Variants in COG6 observed in about 807,000 individuals in gnomAD.
COG6 encodes component of oligomeric golgi complex 6.
Under a neutral mutation model 88.8 loss-of-function variants are expected in COG6, and 74 were observed. The observed-to-expected ratio is 0.83, with a 90% confidence interval of 0.69 to 1.01. The LOEUF (loss-of-function observed/expected upper bound fraction) is 1.01, where lower values mean the gene tolerates loss of function less well. Ranked by LOEUF, COG6 falls within the 50% of genes least tolerant of loss-of-function variation. The pLI is 0.00. For missense variants in COG6, 800 were observed against 797.9 expected, an observed-to-expected ratio of 1.00 and a Z score of -0.03; for synonymous variants, 286 against 278.7, an observed-to-expected ratio of 1.03 and a Z score of -0.26.
chr13:39,691,084 T>C (rs112015360), intron 11 of COG6, among the ~76,000 whole-genome samples: 40 of 152,002 alleles, frequency 2.6e-4, no homozygotes, highest in African/African-American at 7.7e-4. Flanking sequence ...TATGTAATTA[T>C]GTTTCTTTTT....
intron 4 of COG6, among the ~76,000 whole-genome samples, chr13:39,667,707 A>G (rs1163552970): frequency 6.6e-6 from 1 of 152,212 alleles, no homozygotes; most frequent in African/African-American, 2.4e-5. Flanking sequence ...TAAGGTATCA[A>G]CAGAATCAAG....
downstream of COG6, among the ~76,000 whole-genome samples, chr13:39,752,787 TA>T (rs1477234179): frequency 6.6e-6 from 1 of 152,184 alleles, no homozygotes; most frequent in Non-Finnish European, 1.5e-5. Flanking sequence ...TCTTGAGAGC[TA>T]AGGCAAAATA....
intron 18 of COG6, among the ~76,000 whole-genome samples, chr13:39,742,767 A>G (rs184925740): frequency 1.3e-5 from 2 of 152,324 alleles, no homozygotes; most frequent in Admixed American, 6.5e-5. Flanking sequence ...ATAGACATCT[A>G]CAGAACTCTC....
intron 13 of COG6, among the ~76,000 whole-genome samples, chr13:39,701,702 A>C (rs972277109): frequency 6.6e-6 from 1 of 151,960 alleles, no homozygotes; most frequent in African/African-American, 2.4e-5. Flanking sequence ...GGTGACCTAA[A>C]TGGGCAATTT....
rs374234914 is a variant in COG6, at chr13:39,686,709, A to C, written c.789-794A>C. 1.4e-4 allele frequency among the ~76,000 whole-genome samples: 22 copies of C among 152,210 alleles called. No individual in the cohort carries two copies. In the East Asian group the frequency reaches 2.7e-3, roughly 19 times the overall value. ...GACTTTTTTAATGTAGAAGAGAAAA[A>C]TGTCAATTTTGGGATTGCAGAATTC... On this transcript the variant is annotated intron_variant, in intron 8 of 18. Transcript: ENST00000455146.
chr13:39,674,643 C>G (rs1875853284), intron 4 of COG6, among the ~76,000 whole-genome samples: 1 of 152,240 alleles, frequency 6.6e-6, no homozygotes, highest in South Asian at 2.1e-4. Flanking sequence ...CAACTGCAGT[C>G]TGAAAGTAAT....
intron 18 of COG6, among the ~76,000 whole-genome samples, chr13:39,764,238 TTTTC>T (rs894139698): frequency 2.8e-4 from 43 of 152,012 alleles, no homozygotes; most frequent in African/African-American, 1.0e-3. Context: ...GTAATTTGTG[TTTTC>T]TTTCTTTCTT....
intron 12 of COG6, among the ~76,000 whole-genome samples, chr13:39,697,103 G>A (rs143399818): frequency 1.3e-4 from 19 of 151,268 alleles, no homozygotes; most frequent in Non-Finnish European, 2.1e-4. Flanking sequence ...GAAGAGTTCC[G>A]TTCAGTTTTG....
chr13:39,679,853 A>C, intron 6 of COG6, 122 bp from the exon 7 acceptor site: 1 of 691,436 alleles, frequency 1.4e-6, no homozygotes, highest in Non-Finnish European at 2.6e-6. Context: ...TTATTGAAAA[A>C]TCATCCCATA....
At chr13:39,684,765 A>G (rs1273996090) in intron 8 of COG6, among the ~76,000 whole-genome samples, 1 of 152,204 alleles carries the variant, frequency 6.6e-6, no homozygotes, top group Non-Finnish European at 1.5e-5. Flanking sequence ...AGTAATGTAT[A>G]AAAGTTTCAC....
chr13:39,682,339 C>A, intron 8 of COG6, 75 bp downstream of exon 8: 1 of 821,186 alleles, frequency 1.2e-6, no homozygotes, highest in South Asian at 1.4e-5. Context: ...TTAGTATTAT[C>A]AAAAGCGTAT....
chr13:39,719,439 T>C, intron 14 of COG6, 72 bp downstream of exon 14: 1 of 1,463,816 alleles, frequency 6.8e-7, no homozygotes, highest in African/African-American at 1.6e-5. Flanking sequence ...ATTCTGGAAT[T>C]TTGTAATTCA....
intron 18 of COG6, among the ~76,000 whole-genome samples, chr13:39,735,611 A>C (rs1879696409): frequency 6.6e-6 from 1 of 151,742 alleles, no homozygotes; most frequent in Non-Finnish European, 1.5e-5. Flanking sequence ...TAGTTCCTTC[A>C]GATGATTTCT....
intron 17 of COG6, among the ~76,000 whole-genome samples, chr13:39,725,089 T>C (rs1428670569): frequency 6.6e-6 from 1 of 151,906 alleles, no homozygotes; most frequent in Non-Finnish European, 1.5e-5. Flanking sequence ...TTTCTGTGTC[T>C]TAAATACATA....
At chr13:39,732,798 T>C (rs1258962167) in intron 18 of COG6, among the ~76,000 whole-genome samples, 2 of 152,304 alleles carry the variant, frequency 1.3e-5, no homozygotes, top group East Asian at 3.9e-4. Context: ...TTAGATATCA[T>C]AGTGTAATTG....
intron 8 of COG6, among the ~76,000 whole-genome samples, chr13:39,686,322 G>A (rs78685046): frequency 6.6e-6 from 1 of 152,248 alleles, no homozygotes; most frequent in East Asian, 1.9e-4. Flanking sequence ...ATTGAGGGAT[G>A]GATGTCAGGA....
chr13:39,777,432 G>A (rs1241071729), intron 18 of COG6, among the ~76,000 whole-genome samples: 3 of 152,080 alleles, frequency 2.0e-5, no homozygotes, highest in Non-Finnish European at 2.9e-5. Flanking sequence ...ATAGCTACTT[G>A]GGAAACTACA....
At chr13:39,686,460 A>G (rs534767745) in intron 8 of COG6, among the ~76,000 whole-genome samples, 1 of 152,266 alleles carries the variant, frequency 6.6e-6, no homozygotes, top group South Asian at 2.1e-4. Context: ...TTCCTTCCCT[A>G]CCAGTTCCTT....
chr13:39,774,857 G>A (rs1257424752), intron 18 of COG6, among the ~76,000 whole-genome samples: 1 of 152,082 alleles, frequency 6.6e-6, no homozygotes, highest in East Asian at 1.9e-4. Flanking sequence ...ACAGGTGTGA[G>A]CCACCGCGCC....
Sources: gnomAD v4.1 joint callset for allele counts (sites outside exome capture counted in the v4.1 genomes callset) on GRCh38, gnomAD v4.1.1 for gene constraint, MANE v1.5 for transcripts, NCBI Gene and HGNC (gene_info 2026-07-23, HGNC 2026-07-21) for gene names.